KCNMB2: variants seen among roughly 807,000 people sequenced by gnomAD.
KCNMB2 encodes calcium-activated potassium channel subunit beta-2.
In KCNMB2, 9 loss-of-function variants were observed where a neutral mutation model predicts 24.5. The observed-to-expected ratio is 0.37, with a 90% confidence interval of 0.22 to 0.64. The LOEUF (loss-of-function observed/expected upper bound fraction) is 0.64. Ranked by LOEUF, KCNMB2 falls within the 30% of genes least tolerant of loss-of-function variation. The pLI is 0.63. For missense variants in KCNMB2, 226 were observed against 284.3 expected (o/e 0.79, Z 1.47); for synonymous variants, 109 against 104.4 (o/e 1.04, Z -0.27).
intron 1 of KCNMB2, among the ~76,000 whole-genome samples, chr3:178,655,438 CAT>C (rs745408283): frequency 6.6e-6 from 1 of 152,064 alleles, no homozygotes; most frequent in Non-Finnish European, 1.5e-5. Context: ...GGAAATAAAA[CAT>C]CACAGCTGTA....
chr3:178,796,554 C>A (rs1216318995), intron 1 of KCNMB2, among the ~76,000 whole-genome samples: 1 of 152,104 alleles, frequency 6.6e-6, no homozygotes, highest in African/African-American at 2.4e-5. Flanking sequence ...TATCAAATAT[C>A]TTTTCTGACC....
At chr3:178,602,518 G>A (rs779414845) in intron 1 of KCNMB2, among the ~76,000 whole-genome samples, 1 of 151,930 alleles carries the variant, frequency 6.6e-6, no homozygotes, top group Non-Finnish European at 1.5e-5. Context: ...GCAGAGTCCT[G>A]TGGGACACTT....
chr3:178,767,902 G>A (rs566075189), intron 1 of KCNMB2, among the ~76,000 whole-genome samples: 1 of 152,216 alleles, frequency 6.6e-6, no homozygotes, highest in Non-Finnish European at 1.5e-5. Context: ...CTCCATACTG[G>A]GCCAATCTAT....
At chr3:178,615,115 G>T (rs752456144) in intron 1 of KCNMB2, among the ~76,000 whole-genome samples, 2 of 152,212 alleles carry the variant, frequency 1.3e-5, no homozygotes, top group Non-Finnish European at 2.9e-5. Flanking sequence ...TTTCTCCAAA[G>T]CAAACAGAGT....
rs142402956 is a variant in KCNMB2, at chr3:178,613,868, G to C, written c.-68+77157G>C. On this transcript the variant is annotated intron_variant, in intron 1 of 4. Transcript: ENST00000452583. ...ACGTGGATACTGATATCTTTCTCTA[G>C]GTTTGGGATGTTCTCTGTTATTATC... Among the ~76,000 whole-genome samples, 74 of 152,004 alleles carry C rather than the reference G, an allele frequency of 4.9e-4. No homozygotes were observed. In the East Asian group the frequency reaches 0.014, roughly 28 times the overall value.
chr3:178,579,534 G>C lies in KCNMB2; in HGVS notation c.-68+42823G>C, dbSNP rs13090359. Among the ~76,000 whole-genome samples, 347 of 152,224 alleles carry C rather than the reference G, an allele frequency of 2.3e-3. 2 individuals carry two copies. The highest frequency in any genetic ancestry group is 6.8e-3 in the Middle Eastern group (2 of 294). On this transcript the variant is annotated intron_variant, in intron 1 of 4. Coordinates refer to ENST00000452583, the MANE Select transcript of KCNMB2 (RefSeq NM_181361.3). ...TAACTAAGATCAGAGCAGAACTGAA[G>C]GAGATAGAGACATGAAAAACCCTTC...
At chr3:178,627,032 C>T (rs932716579) in intron 1 of KCNMB2, among the ~76,000 whole-genome samples, 8 of 151,612 alleles carry the variant, frequency 5.3e-5, no homozygotes, top group Admixed American at 3.9e-4. Flanking sequence ...TAAGGATAAA[C>T]GCCTGTCTCC....
intron 1 of KCNMB2, among the ~76,000 whole-genome samples, chr3:178,692,904 T>C (rs1356517577): frequency 6.6e-6 from 1 of 152,218 alleles, no homozygotes; most frequent in Non-Finnish European, 1.5e-5. Flanking sequence ...TCCCATTTGT[T>C]TGTGTCATCT....
intron 2 of KCNMB2, among the ~76,000 whole-genome samples, chr3:178,809,462 A>G (rs1714100655): frequency 6.6e-6 from 1 of 152,162 alleles, no homozygotes; most frequent in Admixed American, 6.5e-5. Flanking sequence ...CAGATGAGGA[A>G]ACTGAGGCTT....
At chr3:178,766,436 C>T (rs1412962099) in intron 1 of KCNMB2, among the ~76,000 whole-genome samples, 1 of 152,118 alleles carries the variant, frequency 6.6e-6, no homozygotes, top group Non-Finnish European at 1.5e-5. Context: ...TCAAGTGATC[C>T]TCCTGCTTCA....
chr3:178,741,195 C>T (rs1220399620), intron 1 of KCNMB2, among the ~76,000 whole-genome samples: 1 of 152,286 alleles, frequency 6.6e-6, no homozygotes, highest in South Asian at 2.1e-4. Flanking sequence ...TTGAACATCA[C>T]TTTTACCATG....
At chr3:178,659,294 A>G (rs55856038) in intron 1 of KCNMB2, among the ~76,000 whole-genome samples, 1,882 of 152,346 alleles carry the variant, frequency 0.012, 29 homozygotes, top group African/African-American at 0.043. Context: ...AGCCAGACAA[A>G]ACATTTGTGA....
intron 1 of KCNMB2, among the ~76,000 whole-genome samples, chr3:178,792,367 T>G (rs1713356325): frequency 6.6e-6 from 1 of 152,152 alleles, no homozygotes; most frequent in African/African-American, 2.4e-5. Context: ...TTATAAGATG[T>G]TATTTGCAAG....
At chr3:178,745,069 T>C (rs1302946788) in intron 1 of KCNMB2, among the ~76,000 whole-genome samples, 1 of 152,236 alleles carries the variant, frequency 6.6e-6, no homozygotes, top group Non-Finnish European at 1.5e-5. Context: ...CCTCATAAAG[T>C]TGTTGAAAGA....
chr3:178,549,455 C>A (rs1201920588), intron 1 of KCNMB2, among the ~76,000 whole-genome samples: 1 of 149,352 alleles, frequency 6.7e-6, no homozygotes, highest in Non-Finnish European at 1.5e-5. Context: ...GGATTACAGG[C>A]ACACACCACA....
At position 178,759,636 on chromosome 3, in the gene KCNMB2, G is replaced by GAT. The variant is rs751946252; in HGVS notation, c.-67-47692_-67-47691dup. Among the ~76,000 whole-genome samples the GAT allele has an allele frequency of 9.3e-3, 674 of 72,852 alleles. 27 individuals carry two copies. The highest frequency in any genetic ancestry group is 0.027 in the African/African-American group (506 of 18,992). 47.8% of individuals were successfully genotyped at this position (72,852 alleles called of 152,430 possible). On this transcript the variant is annotated intron_variant, in intron 1 of 4. Transcript: ENST00000452583. ...ATATACATATATCTCTCTCCAAGAG[G>GAT]ATATATATATATATATCTCCAAGAG...
At chr3:178,655,927 C>T (rs1366103520) in intron 1 of KCNMB2, among the ~76,000 whole-genome samples, 2 of 152,296 alleles carry the variant, frequency 1.3e-5, no homozygotes, top group Middle Eastern at 3.4e-3. Context: ...AACTATCAGC[C>T]TTCTTTTACC....
intron 1 of KCNMB2, among the ~76,000 whole-genome samples, chr3:178,678,828 C>T (rs555840632): frequency 3.3e-5 from 5 of 152,320 alleles, no homozygotes; most frequent in African/African-American, 1.2e-4. Context: ...CCCCCAGTCA[C>T]TAGCATGGTT....
At chr3:178,734,808 A>G (rs1455743538) in intron 1 of KCNMB2, among the ~76,000 whole-genome samples, 1 of 152,226 alleles carries the variant, frequency 6.6e-6, no homozygotes, top group African/African-American at 2.4e-5. Context: ...ATATCTATTA[A>G]AAGGCCTACC....
Sources: gnomAD v4.1 joint callset for allele counts (sites outside exome capture counted in the v4.1 genomes callset) on GRCh38, gnomAD v4.1.1 for gene constraint, MANE v1.5 for transcripts, NCBI Gene and HGNC (gene_info 2026-07-23, HGNC 2026-07-21) for gene names.